The following GRK5 variants were observed in gnomAD, a reference collection of about 807,000 sequenced individuals.
GRK5 encodes g protein-coupled receptor kinase GRK5.
GRK5 carries 40 observed loss-of-function variants against 78.4 expected under a neutral mutation model. The observed-to-expected ratio is 0.51, with a 90% CI of 0.40 to 0.66. The LOEUF (loss-of-function observed/expected upper bound fraction) is 0.66. GRK5 is among the 30% of genes least tolerant of loss of function. The pLI is 0.00. For missense variants in GRK5, 598 were observed against 759.9 expected, an observed-to-expected ratio of 0.79 and a Z score of 2.50; for synonymous variants, 289 against 296.8, an observed-to-expected ratio of 0.97 and a Z score of 0.27.
intron 4 of GRK5, among the ~76,000 whole-genome samples, chr10:119,402,279 G>T (rs1246383156): frequency 1.3e-5 from 2 of 152,182 alleles, no homozygotes; most frequent in Non-Finnish European, 1.5e-5. Flanking sequence ...ACAGCCGTGA[G>T]CGTGGCTTGT....
At chr10:119,394,115 GGT>G (rs72240657) in intron 3 of GRK5, among the ~76,000 whole-genome samples, 59,125 of 132,246 alleles carry the variant, frequency 0.45, 12,938 homozygotes, top group East Asian at 0.55. Context: ...CTGTGTGGGG[GGT>G]GTGTGTGTGT....
Position 119,404,975 on chromosome 10 carries a change from G to T in GRK5, c.339+8203G>T, listed in dbSNP as rs1465219726. On this transcript the variant is annotated intron_variant, in intron 4 of 15. Transcript: ENST00000392870. ...CGCCTGCGTGACCTGCTTTGGCAGT[G>T]TTACTTGTAGGACATTTTGCTGCGG... Among the ~76,000 whole-genome samples the T allele has an allele frequency of 2.0e-5, 3 of 152,234 alleles. No homozygotes were observed. The South Asian group carries it at 6.2e-4, about 31-fold the overall frequency.
At chr10:119,227,195 C>G (rs1483863824) in intron 1 of GRK5, among the ~76,000 whole-genome samples, 1 of 152,108 alleles carries the variant, frequency 6.6e-6, no homozygotes, top group Admixed American at 6.5e-5. Context: ...GAATAATGCC[C>G]TATTGATCAC....
chr10:119,409,560 C>T (rs1394735579), intron 4 of GRK5, among the ~76,000 whole-genome samples: 1 of 152,184 alleles, frequency 6.6e-6, no homozygotes, highest in African/African-American at 2.4e-5. Context: ...CTGAGGGCAC[C>T]CCCAACTCTG....
intron 1 of GRK5, among the ~76,000 whole-genome samples, chr10:119,295,517 C>T (rs560230713): frequency 9.2e-5 from 14 of 152,182 alleles, no homozygotes; most frequent in East Asian, 1.9e-4. Context: ...TAGTTGCACA[C>T]GCATATTTAT....
At chr10:119,441,171 T>C (rs1275231027) in intron 10 of GRK5, among the ~76,000 whole-genome samples, 1 of 152,064 alleles carries the variant, frequency 6.6e-6, no homozygotes, top group African/African-American at 2.4e-5. Context: ...CCTCCCTTGG[T>C]CTAAGAACCA....
chr10:119,345,277 C>T lies in GRK5; in HGVS notation c.148+18666C>T, dbSNP rs532414780. 2.0e-4 allele frequency among the ~76,000 whole-genome samples: 30 copies of T among 152,286 alleles called. No individual in the cohort carries two copies. In the East Asian group the frequency reaches 5.4e-3, roughly 27 times the overall value. ...GCCACCGCGCCCGGCCACAGACTCA[C>T]TTTCTTGGGGTTTGGCAGGTCAGCA... On this transcript the variant is annotated intron_variant, in intron 2 of 15. Transcript: ENST00000392870.
chr10:119,245,972 A>G (rs550998838), intron 1 of GRK5, among the ~76,000 whole-genome samples: 8 of 143,784 alleles, frequency 5.6e-5, no homozygotes, highest in South Asian at 2.3e-4. Flanking sequence ...GTGAGCCGAG[A>G]TCATGCTACT....
chr10:119,329,290 A>G (rs560504354), intron 2 of GRK5, among the ~76,000 whole-genome samples: 1 of 152,316 alleles, frequency 6.6e-6, no homozygotes, highest in South Asian at 2.1e-4. Context: ...GAGGGAGTAG[A>G]TGCGGTGTTT....
intron 1 of GRK5, among the ~76,000 whole-genome samples, chr10:119,210,656 T>G (rs1027882029): frequency 1.3e-5 from 2 of 152,232 alleles, no homozygotes; most frequent in Non-Finnish European, 2.9e-5. Flanking sequence ...AAGATTCTTG[T>G]CAGTGGTTAC....
At chr10:119,228,363 C>G (rs748523703) in intron 1 of GRK5, among the ~76,000 whole-genome samples, 13 of 145,590 alleles carry the variant, frequency 8.9e-5, no homozygotes, top group Non-Finnish European at 1.7e-4. Context: ...CAAAACAAAA[C>G]AAAAAACCAA....
At chr10:119,314,181 G>T (rs1564887829) in intron 1 of GRK5, among the ~76,000 whole-genome samples, 1 of 152,220 alleles carries the variant, frequency 6.6e-6, no homozygotes, top group Admixed American at 6.5e-5. Flanking sequence ...CCCCACTTTG[G>T]GTGGAATCCT....
chr10:119,207,745 A>C lies in GRK5; in HGVS notation c.-173A>C. 1 of 577,998 alleles carries C rather than the reference A, an allele frequency of 1.7e-6. No homozygotes were observed. Among genetic ancestry groups the C allele is most frequent in the Non-Finnish European group, 2.9e-6 (1 of 347,688 alleles). The allele number at this position is 577,998 out of a possible 1,614,324, so 35.8% of individuals were successfully genotyped here. Reference sequence around the variant, plus strand: ...GGCGGCGGCGGCGGCTCCTCTTTGCAGAGGGGGAAACTCTTGGGCTGAGAG... The same window carrying C: ...GGCGGCGGCGGCGGCTCCTCTTTGCCGAGGGGGAAACTCTTGGGCTGAGAG... On this transcript the variant is annotated 5_prime_UTR_variant, in exon 1 of 16. Transcript: ENST00000392870.
intron 2 of GRK5, among the ~76,000 whole-genome samples, chr10:119,365,785 C>T (rs536510554): frequency 1.8e-4 from 28 of 152,246 alleles, no homozygotes; most frequent in African/African-American, 6.5e-4. Flanking sequence ...TAGGCTCTGG[C>T]GTTATTGGGC....
intron 4 of GRK5, among the ~76,000 whole-genome samples, chr10:119,400,461 A>T (rs1476401917): frequency 1.3e-5 from 2 of 152,184 alleles, no homozygotes. Context: ...CTAGCATCTG[A>T]TGCGTAGAGG....
At chr10:119,392,663 C>T (rs963142651) in intron 3 of GRK5, among the ~76,000 whole-genome samples, 33 of 152,182 alleles carry the variant, frequency 2.2e-4, no homozygotes, top group Non-Finnish European at 7.3e-5. Flanking sequence ...CTCGGCCTCC[C>T]AAAGTGCTGG....
chr10:119,439,334 C>T (rs150984777), intron 9 of GRK5, among the ~76,000 whole-genome samples: 4 of 152,354 alleles, frequency 2.6e-5, no homozygotes, highest in African/African-American at 9.6e-5. Context: ...CCCTTTGATC[C>T]TCTCTTCCCA....
At chr10:119,451,167 A>G (rs1448804077) in intron 13 of GRK5, among the ~76,000 whole-genome samples, 2 of 143,334 alleles carry the variant, frequency 1.4e-5, no homozygotes. Flanking sequence ...CCATCCCCAC[A>G]CCACTGTCGG....
intron 6 of GRK5, among the ~76,000 whole-genome samples, chr10:119,425,298 A>ACACACACAC (rs1852657743): frequency 6.8e-5 from 6 of 88,172 alleles, no homozygotes; most frequent in African/African-American, 3.3e-4. Flanking sequence ...CACACACACA[A>ACACACACAC]ACACACATTC....
Sources: gnomAD v4.1 joint callset for allele counts (sites outside exome capture counted in the v4.1 genomes callset) on GRCh38, gnomAD v4.1.1 for gene constraint, MANE v1.5 for transcripts, NCBI Gene and HGNC (gene_info 2026-07-23, HGNC 2026-07-21) for gene names.